The following APLP2 variants were observed in gnomAD, a reference collection of about 807,000 sequenced individuals.
APLP2 encodes the protein CDEI box-binding protein.
APLP2 carries 53 observed loss-of-function variants against 89.9 expected under a neutral mutation model. The ratio of observed to expected loss-of-function variants is 0.59; its 90% CI spans 0.47 to 0.74. The LOEUF (loss-of-function observed/expected upper bound fraction) is 0.74, where lower values mean the gene tolerates loss of function less well. APLP2 is among the 30% of genes least tolerant of loss of function. The pLI, the probability that APLP2 is intolerant of heterozygous loss-of-function variation, is 0.00. For synonymous variants in APLP2, 372 were observed against 348.6 expected (o/e 1.07, Z -0.75); for missense variants, 973 against 975.9 (o/e 1.00, Z 0.04).
At chr11:130,089,211 TG>T (rs1944543390) in intron 1 of APLP2, among the ~76,000 whole-genome samples, 1 of 152,240 alleles carries the variant, frequency 6.6e-6, no homozygotes, top group Non-Finnish European at 1.5e-5. Context: ...CTCCTGCCTT[TG>T]TTCATCATCT....
intron 11 of APLP2, among the ~76,000 whole-genome samples, 193 bp downstream of exon 11, chr11:130,130,359 A>G (rs1351735978): frequency 6.6e-6 from 1 of 152,262 alleles, no homozygotes; most frequent in Non-Finnish European, 1.5e-5. Context: ...ATCTTTTTAA[A>G]TACTTTTTTA....
Position 130,129,064 on chromosome 11 carries a change from T to G in APLP2, c.1313T>G (p.Val438Gly). 1.2e-6 allele frequency: 2 copies of G among 1,613,976 alleles called. No homozygotes were observed. Among genetic ancestry groups the G allele is most frequent in the Non-Finnish European group, 1.7e-6 (2 of 1,179,888 alleles). The part of the protein sequence containing the change: ...QTLIQHFQAM[V>G]KALEKEAASE... ...TTGGTTTAGCACTTCCAAGCCATGGTTAAAGCTTTAGAGAAGGAAGCAGCC... is the reference window on the plus strand; with the variant it reads ...TTGGTTTAGCACTTCCAAGCCATGGGTAAAGCTTTAGAGAAGGAAGCAGCC... Residue 438 changes from valine (V) to glycine (G), a missense_variant, in exon 10 of 17, where the codon GTT (valine) becomes GGT (glycine). Val to Gly is a moderately radical substitution (Grantham distance 109, BLOSUM62 -3). Transcript: ENST00000338167.
chr11:130,138,581 GT>G (rs34805457), intron 13 of APLP2, among the ~76,000 whole-genome samples: 9,544 of 91,638 alleles, frequency 0.1, 150 homozygotes, highest in East Asian at 0.22. Context: ...CTGGTGGTAG[GT>G]TTTTTTTTTT....
chr11:130,122,555 A>G (rs1565589283), intron 6 of APLP2, 42 bp downstream of exon 6: 6 of 1,612,160 alleles, frequency 3.7e-6, no homozygotes, highest in African/African-American at 2.7e-5. Context: ...CCATGTGGTA[A>G]TTATTCACTT....
chr11:130,075,956 G>A (rs1942053592), intron 1 of APLP2, among the ~76,000 whole-genome samples: 1 of 152,192 alleles, frequency 6.6e-6, no homozygotes, highest in Admixed American at 6.5e-5. Flanking sequence ...ATGGTTAATA[G>A]TGACCCTTTG....
In APLP2 at chr11:130,130,912, T is replaced by C. The variant is rs139035620; in HGVS notation, c.1584+746T>C. On this transcript the variant is annotated intron_variant, in intron 11 of 16. Transcript: ENST00000338167. ...TATGAGTGTGAAGATGAAAAGGTAA[T>C]GTGCCTAAAGGCCTAAAGGCCTTTG... is the stretch of plus-strand genomic sequence containing the variant. 3.4e-3 allele frequency among the ~76,000 whole-genome samples: 524 copies of C among 152,260 alleles called. 1 individual carries two copies. The highest frequency in any genetic ancestry group is 0.012 in the African/African-American group (501 of 41,540).
chr11:130,103,242 A>G (rs1408598793), intron 1 of APLP2, among the ~76,000 whole-genome samples: 1 of 152,224 alleles, frequency 6.6e-6, no homozygotes, highest in Non-Finnish European at 1.5e-5. Context: ...GGGTTGGGGT[A>G]TGTTTGATTA....
chr11:130,070,899 A>G (rs1483118785), intron 1 of APLP2, among the ~76,000 whole-genome samples: 2 of 135,338 alleles, frequency 1.5e-5, no homozygotes, highest in East Asian at 2.5e-4. Flanking sequence ...GCTGCGAGAA[A>G]GGCGAAGCGG....
rs747860826 is a variant in APLP2, at chr11:130,141,919, G to A, written c.1999G>A (p.Glu667Lys). ...TTTCCACGTCTGCTTTATTACGTAG[G>A]AATCCGTGGGCCCACTGCGGGAGGA... ...ERVGGLEEER[E>K]SVGPLREDFS... The change falls in exon 16 of 17, where the codon GAA becomes AAA. Residue 667 changes from glutamate (E) to lysine (K), a missense_variant and splice_region_variant. Transcript: ENST00000338167. The surrounding 1 kb of genome is among the most constrained non-coding windows in gnomAD (Gnocchi z 4.2). The A allele has an allele frequency of 1.9e-6, 3 of 1,598,182 alleles. No individual in the cohort carries two copies. Among genetic ancestry groups the A allele is most frequent in the East Asian group, 2.3e-5 (1 of 44,350 alleles).
chr11:130,120,850 G>C (rs369317148), intron 4 of APLP2, 32 bp downstream of exon 4: 6 of 1,483,948 alleles, frequency 4.0e-6, no homozygotes, highest in Admixed American at 1.7e-5. Flanking sequence ...GTCAGCTGCT[G>C]TTGTATCTGT....
intron 1 of APLP2, among the ~76,000 whole-genome samples, chr11:130,106,929 TGCCTGCCTTG>T (rs1947865582): frequency 1.3e-5 from 2 of 152,186 alleles, no homozygotes; most frequent in Non-Finnish European, 2.9e-5. Context: ...CCTCGTGATC[TGCCTGCCTTG>T]GCCTCCCAAA....
At chr11:130,113,291 G>A (rs1948802015) in intron 3 of APLP2, among the ~76,000 whole-genome samples, 1 of 152,094 alleles carries the variant, frequency 6.6e-6, no homozygotes, top group African/African-American at 2.4e-5. Flanking sequence ...TTTCCCAAAT[G>A]ATAGAGTTTA....
chr11:130,121,450 A>G (rs1192580408), intron 4 of APLP2, among the ~76,000 whole-genome samples, 164 bp from the exon 5 acceptor site: 2 of 151,754 alleles, frequency 1.3e-5, no homozygotes, highest in Non-Finnish European at 2.9e-5. Flanking sequence ...AAATCTTACA[A>G]TAATATTATT....
rs1450219313 is a variant in APLP2, at chr11:130,123,276, A to G, written c.923-336A>G. Among the ~76,000 whole-genome samples the G allele has an allele frequency of 6.6e-6, 1 of 152,252 alleles. No individual in the cohort carries two copies. The highest frequency in any genetic ancestry group is 1.5e-5 in the Non-Finnish European group (1 of 68,042). On this transcript the variant is annotated intron_variant, in intron 6 of 16. Coordinates refer to ENST00000338167, the MANE Select transcript of APLP2 (RefSeq NM_001142276.2). This position sits in a 1 kb window ranked among gnomAD's most constrained non-coding sequence, Gnocchi z 4.0. ...CACTCACACTGTCTCCTGAATAGAC[A>G]AACTAGGCAGATACCTCCACTGAAC...
intron 9 of APLP2, 33 bp from the exon 10 acceptor site, chr11:130,129,014 CA>C: frequency 1.3e-6 from 2 of 1,594,220 alleles, no homozygotes; most frequent in Non-Finnish European, 1.7e-6. Context: ...CTGGGTGCCA[CA>C]AATCATGTGT....
chr11:130,130,101 A>C lies in APLP2; in HGVS notation c.1519A>C (p.Thr507Pro). Residue 507 changes from threonine (T) to proline (P), a missense_variant, in exon 11 of 17, where the codon ACC becomes CCC. Transcript: ENST00000338167. ...VRAENKDRLH[T>P]IRHYQHVLAV... The stretch of plus-strand genomic sequence containing the variant: ...TGCTGAGAACAAAGATCGCTTACAT[A>C]CCATCCGTCATTACCAGCATGTGTT... 3.1e-6 allele frequency: 5 copies of C among 1,614,238 alleles called. No homozygotes were observed. Among genetic ancestry groups the C allele is most frequent in the Non-Finnish European group, 4.2e-6 (5 of 1,180,036 alleles).
intron 1 of APLP2, among the ~76,000 whole-genome samples, chr11:130,106,570 C>T (rs527251032): frequency 6.6e-6 from 1 of 152,198 alleles, no homozygotes; most frequent in Non-Finnish European, 1.5e-5. Context: ...GCATGCCTCT[C>T]CCACCATCTC....
Position 130,123,567 on chromosome 11 carries a change from C to T in APLP2, c.923-45C>T, listed in dbSNP as rs539623328. ...GCCTGTAGCATTTTGAAGCATTTGA[C>T]GTCACTGCCTCTGTCCTGCTGACAC... On this transcript the variant is annotated intron_variant, in intron 6 of 16. Transcript: ENST00000338167. The surrounding 1 kb of genome is among the most constrained non-coding windows in gnomAD (Gnocchi z 4.0). The T allele has an allele frequency of 1.5e-5, 24 of 1,574,382 alleles. No individual in the cohort carries two copies. Among genetic ancestry groups the T allele is most frequent in the Admixed American group, 3.5e-5 (2 of 56,544 alleles).
intron 3 of APLP2, among the ~76,000 whole-genome samples, chr11:130,116,579 G>A (rs150357929): frequency 9.2e-4 from 140 of 152,056 alleles, no homozygotes; most frequent in African/African-American, 2.9e-3. Context: ...TTGGTCCTGC[G>A]TGTCCCCCTT....
Sources: gnomAD v4.1 joint callset for allele counts (sites outside exome capture counted in the v4.1 genomes callset) on GRCh38, gnomAD v4.1.1 for gene constraint, Gnocchi (gnomAD v3.1) non-coding constraint, MANE v1.5 for transcripts, NCBI Gene and HGNC (gene_info 2026-07-23, HGNC 2026-07-21) for gene names.